CDH8: variants seen among roughly 807,000 people sequenced by gnomAD.
The protein encoded by CDH8 is cadherin-8.
CDH8 carries 17 observed loss-of-function variants against 68.1 expected under a neutral mutation model. That is an observed-to-expected ratio of 0.25 (90% CI 0.17 to 0.37). CDH8 has a LOEUF of 0.37. Among genes scored for constraint, CDH8 ranks in the 10% least tolerant of loss-of-function variants. The pLI is 1.00. For synonymous variants in CDH8, 372 were observed against 365.1 expected (o/e 1.02, Z -0.21); for missense variants, 763 against 999.3 (o/e 0.76, Z 3.19).
intron 2 of CDH8, among the ~76,000 whole-genome samples, chr16:61,964,032 C>T (rs149186140): frequency 4.6e-4 from 70 of 152,250 alleles, no homozygotes; most frequent in African/African-American, 1.6e-3. Context: ...TATCCTCAAA[C>T]GGTTCTTGGA....
At position 61,658,618 on chromosome 16, in the gene CDH8, C is replaced by A. The variant is rs949811117; in HGVS notation, c.1655-2897G>T. Among the ~76,000 whole-genome samples the A allele has an allele frequency of 6.0e-4, 91 of 152,054 alleles. 1 individual carries two copies. Among genetic ancestry groups the A allele is most frequent in the African/African-American group, 2.0e-3 (83 of 41,528 alleles). ...CTGATTCTCTAACCCTCCATGAATACCCTGTTTCTTATGTATGAAAACTTT... is the reference window on the plus strand; with the variant it reads ...CTGATTCTCTAACCCTCCATGAATAACCTGTTTCTTATGTATGAAAACTTT... On this transcript the variant is annotated intron_variant, in intron 10 of 11. Transcript: ENST00000577390.
chr16:61,814,274 T>C (rs1354197736), intron 7 of CDH8, among the ~76,000 whole-genome samples: 1 of 152,190 alleles, frequency 6.6e-6, no homozygotes, highest in Non-Finnish European at 1.5e-5. Flanking sequence ...TTTTAAATAA[T>C]TTACACAACT....
At chr16:61,697,919 G>A (rs192157599) in intron 10 of CDH8, among the ~76,000 whole-genome samples, 367 of 152,322 alleles carry the variant, frequency 2.4e-3, no homozygotes, top group Non-Finnish European at 2.7e-3. Flanking sequence ...CATGCAACGT[G>A]CTTGAGGCAG....
chr16:61,732,095 A>T (rs777087811), intron 8 of CDH8, among the ~76,000 whole-genome samples: 3 of 151,670 alleles, frequency 2.0e-5, no homozygotes, highest in Non-Finnish European at 4.4e-5. Flanking sequence ...AAATAAAGAA[A>T]AATGAGCAGA....
At position 62,030,407 on chromosome 16, in the gene CDH8, T is replaced by G. The variant is rs78930107; in HGVS notation, c.-200+5673A>C. On this transcript the variant is annotated intron_variant, in intron 1 of 11. Transcript: ENST00000577390. ...TTTCATTTTTCTGAGCATCCCCATG[T>G]TGAAGATGGGAATAGTTAGACACAA... 4.9e-3 allele frequency among the ~76,000 whole-genome samples: 742 copies of G among 152,278 alleles called. 5 individuals are homozygous for G. The highest frequency in any genetic ancestry group is 0.017 in the African/African-American group (699 of 41,566).
At chr16:61,882,937 A>G (rs183141404) in intron 3 of CDH8, among the ~76,000 whole-genome samples, 76 of 152,338 alleles carry the variant, frequency 5.0e-4, no homozygotes, top group African/African-American at 1.7e-3. Context: ...ATAAGAAAAC[A>G]AGAAACTTTA....
At chr16:61,730,896 A>C (rs1201611672) in intron 8 of CDH8, among the ~76,000 whole-genome samples, 2 of 151,590 alleles carry the variant, frequency 1.3e-5, no homozygotes, top group African/African-American at 4.8e-5. Context: ...TTTAAGACTC[A>C]TTACATGATA....
At chr16:61,820,535 G>A (rs1726078042) in intron 6 of CDH8, among the ~76,000 whole-genome samples, 1 of 151,842 alleles carries the variant, frequency 6.6e-6, no homozygotes, top group African/African-American at 2.4e-5. Flanking sequence ...TAAACAATAT[G>A]ACTCAGAATA....
intron 2 of CDH8, among the ~76,000 whole-genome samples, chr16:61,973,281 A>AT (rs1347069304): frequency 1.3e-5 from 2 of 152,028 alleles, no homozygotes; most frequent in Non-Finnish European, 2.9e-5. Flanking sequence ...TAGTAAATAG[A>AT]TTTTCTCTTC....
chr16:61,724,342 G>A (rs974337429), intron 9 of CDH8, among the ~76,000 whole-genome samples: 3 of 150,768 alleles, frequency 2.0e-5, no homozygotes, highest in Admixed American at 6.6e-5. Flanking sequence ...CATTCTGACT[G>A]TGTTTAGATG....
At chr16:61,800,296 C>T (rs1226601320) in intron 7 of CDH8, among the ~76,000 whole-genome samples, 2 of 152,104 alleles carry the variant, frequency 1.3e-5, no homozygotes, top group Non-Finnish European at 2.9e-5. Context: ...CAATGTCTAC[C>T]CACACGGTCT....
intron 7 of CDH8, among the ~76,000 whole-genome samples, chr16:61,802,165 C>T (rs1961662599): frequency 8.4e-6 from 1 of 118,748 alleles, no homozygotes; most frequent in Non-Finnish European, 1.7e-5. Flanking sequence ...ACCCCTGACC[C>T]CCGAGCAGCC....
intron 2 of CDH8, among the ~76,000 whole-genome samples, chr16:61,943,996 A>T (rs1408388152): frequency 6.6e-6 from 1 of 152,210 alleles, no homozygotes; most frequent in African/African-American, 2.4e-5. Context: ...CATCAACAGC[A>T]TAGCTTAATG....
intron 10 of CDH8, chr16:61,667,592 T>C (rs1963704553): frequency 6.6e-6 from 1 of 151,928 alleles, no homozygotes; most frequent in African/African-American, 2.4e-5. Context: ...AAGCAGAGAA[T>C]GGATTCTCCT....
Position 61,880,944 on chromosome 16 carries a change from C to T in CDH8, c.547+20235G>A, listed in dbSNP as rs117554486. Among the ~76,000 whole-genome samples the T allele has an allele frequency of 8.5e-5, 13 of 152,210 alleles. No individual in the cohort carries two copies. The East Asian group carries it at 2.3e-3, about 27-fold the overall frequency. ...GCCAGATGGAAAGGCCATGAAGCAA[C>T]GTGTGTAGATCGGCCACTCAACACA... On this transcript the variant is annotated intron_variant, in intron 3 of 11. Transcript: ENST00000577390.
intron 10 of CDH8, among the ~76,000 whole-genome samples, chr16:61,683,182 T>G (rs1010547621): frequency 6.6e-6 from 1 of 152,016 alleles, no homozygotes; most frequent in Non-Finnish European, 1.5e-5. Flanking sequence ...AACATATTTG[T>G]TTTTTACTGC....
At chr16:61,897,924 G>A (rs1412305582) in intron 3 of CDH8, among the ~76,000 whole-genome samples, 1 of 152,092 alleles carries the variant, frequency 6.6e-6, no homozygotes, top group Non-Finnish European at 1.5e-5. Context: ...GTGTGTGTGG[G>A]GGTGGTGATG....
intron 7 of CDH8, among the ~76,000 whole-genome samples, chr16:61,808,896 CTT>C (rs1480261008): frequency 2.6e-5 from 4 of 152,106 alleles, no homozygotes; most frequent in Non-Finnish European, 4.4e-5. Flanking sequence ...TCCAATAAGA[CTT>C]TACTAGACCA....
intron 8 of CDH8, among the ~76,000 whole-genome samples, chr16:61,755,152 A>G (rs145930507): frequency 1.3e-5 from 2 of 152,326 alleles, no homozygotes; most frequent in Non-Finnish European, 1.5e-5. Flanking sequence ...AGTTTGCAAG[A>G]GTTAGAATAT....
Sources: gnomAD v4.1 joint callset for allele counts (sites outside exome capture counted in the v4.1 genomes callset) on GRCh38, gnomAD v4.1.1 for gene constraint, MANE v1.5 for transcripts, NCBI Gene and HGNC (gene_info 2026-07-23, HGNC 2026-07-21) for gene names.